The following SUCLG2 variants were observed in gnomAD, a reference collection of about 807,000 sequenced individuals.
SUCLG2 encodes succinate-CoA ligase GDP-forming subunit beta.
A neutral mutation model predicts 47.9 loss-of-function variants in SUCLG2; 42 were observed. The observed-to-expected ratio is 0.88, with a 90% CI of 0.69 to 1.14. The LOEUF (loss-of-function observed/expected upper bound fraction) is 1.14, where lower values mean the gene tolerates loss of function less well. SUCLG2 is among the 50% of genes most tolerant of loss of function. The pLI is 0.00. For synonymous variants in SUCLG2, 195 were observed against 197.3 expected, an observed-to-expected ratio of 0.99 and a Z score of 0.10; for missense variants, 571 against 525.9, an observed-to-expected ratio of 1.09 and a Z score of -0.84.
At chr3:67,415,728 G>A (rs778038643) in intron 9 of SUCLG2, among the ~76,000 whole-genome samples, 8 of 152,176 alleles carry the variant, frequency 5.3e-5, no homozygotes, top group Non-Finnish European at 1.0e-4. Flanking sequence ...CTCCCTTGAA[G>A]ATCTCCTTCC....
At chr3:67,455,469 T>C (rs1704160373) in intron 9 of SUCLG2, among the ~76,000 whole-genome samples, 1 of 152,126 alleles carries the variant, frequency 6.6e-6, no homozygotes, top group Admixed American at 6.5e-5. Flanking sequence ...CTTTCCAGAA[T>C]CAGACTGGAG....
chr3:67,537,358 T>C (rs1706572458), intron 2 of SUCLG2, among the ~76,000 whole-genome samples: 1 of 152,176 alleles, frequency 6.6e-6, no homozygotes. Flanking sequence ...CTGAGAATGA[T>C]TGTTTCCAGC....
chr3:67,610,143 G>T (rs1700501578), intron 1 of SUCLG2, among the ~76,000 whole-genome samples: 1 of 152,056 alleles, frequency 6.6e-6, no homozygotes, highest in Admixed American at 6.5e-5. Flanking sequence ...CAGGAAATTT[G>T]TTTAAACACT....
At chr3:67,488,593 T>C (rs1452693620) in intron 9 of SUCLG2, among the ~76,000 whole-genome samples, 1 of 152,212 alleles carries the variant, frequency 6.6e-6, no homozygotes, top group Non-Finnish European at 1.5e-5. Context: ...AAAATACTAA[T>C]AGTACAACTT....
At chr3:67,469,168 G>A (rs1485445678) in intron 9 of SUCLG2, among the ~76,000 whole-genome samples, 1 of 152,178 alleles carries the variant, frequency 6.6e-6, no homozygotes, top group Non-Finnish European at 1.5e-5. Flanking sequence ...AGGTAGGCTG[G>A]CGAGTTGGGC....
chr3:67,608,235 G>A (rs1559593935), intron 2 of SUCLG2, among the ~76,000 whole-genome samples: 1 of 152,038 alleles, frequency 6.6e-6, no homozygotes, highest in Non-Finnish European at 1.5e-5. Flanking sequence ...GAAGGATGTC[G>A]ACAACTGACT....
chr3:67,361,886 G>A (rs1437862243), intron 10 of SUCLG2, among the ~76,000 whole-genome samples: 3 of 152,146 alleles, frequency 2.0e-5, no homozygotes, highest in Admixed American at 1.3e-4. Context: ...CTGGGATGGT[G>A]AGGGGAACAT....
intron 2 of SUCLG2, among the ~76,000 whole-genome samples, chr3:67,584,392 G>T (rs1449182724): frequency 6.6e-6 from 1 of 152,192 alleles, no homozygotes; most frequent in African/African-American, 2.4e-5. Flanking sequence ...GGAGTAATGG[G>T]ATTAACAGTA....
intron 9 of SUCLG2, among the ~76,000 whole-genome samples, chr3:67,404,103 C>G (rs1431797451): frequency 6.6e-6 from 1 of 152,132 alleles, no homozygotes; most frequent in Non-Finnish European, 1.5e-5. Context: ...CCAGCTGTCT[C>G]GAACTCCTGA....
intron 9 of SUCLG2, among the ~76,000 whole-genome samples, chr3:67,478,737 G>T (rs1432228889): frequency 6.6e-6 from 1 of 152,182 alleles, no homozygotes; most frequent in Non-Finnish European, 1.5e-5. Context: ...GTGGGAGGTT[G>T]CAACTGCTAT....
chr3:67,555,935 T>A (rs149038808), intron 2 of SUCLG2, among the ~76,000 whole-genome samples: 3 of 152,130 alleles, frequency 2.0e-5, no homozygotes, highest in East Asian at 1.9e-4. Flanking sequence ...GTGAACAGAG[T>A]GGGACAGGCC....
At chr3:67,393,895 G>A (rs1425374094) in intron 10 of SUCLG2, among the ~76,000 whole-genome samples, 2 of 152,170 alleles carry the variant, frequency 1.3e-5, no homozygotes. Flanking sequence ...CACCGCCACT[G>A]ATACCCAGGC....
At chr3:67,481,682 A>T (rs1300818276) in intron 9 of SUCLG2, among the ~76,000 whole-genome samples, 2 of 152,196 alleles carry the variant, frequency 1.3e-5, no homozygotes, top group Non-Finnish European at 1.5e-5. Context: ...ATTGCTCTAT[A>T]CTGGGTTTTT....
At chr3:67,632,831 G>A (rs977088903) in intron 1 of SUCLG2, among the ~76,000 whole-genome samples, 2 of 152,176 alleles carry the variant, frequency 1.3e-5, no homozygotes, top group Non-Finnish European at 2.9e-5. Flanking sequence ...TTTGCTGCCA[G>A]GTTATCATGT....
chr3:67,633,402 A>G (rs1245464888), intron 1 of SUCLG2, among the ~76,000 whole-genome samples: 1 of 152,216 alleles, frequency 6.6e-6, no homozygotes, highest in African/African-American at 2.4e-5. Context: ...CAAATACAGA[A>G]AAAGCAAACC....
chr3:67,518,116 C>A, intron 6 of SUCLG2, 131 bp downstream of exon 6: 1 of 763,956 alleles, frequency 1.3e-6, no homozygotes, highest in African/African-American at 1.7e-5. Context: ...TCATAAACAG[C>A]TGGAGGAAAA....
At chr3:67,389,458 T>C (rs937644764) in intron 10 of SUCLG2, among the ~76,000 whole-genome samples, 7 of 152,078 alleles carry the variant, frequency 4.6e-5, no homozygotes, top group Non-Finnish European at 7.4e-5. Context: ...TTTTCAAAGA[T>C]AGCTCAGTGA....
chr3:67,385,103 C>G (rs1481008175), intron 10 of SUCLG2, among the ~76,000 whole-genome samples: 4 of 152,184 alleles, frequency 2.6e-5, no homozygotes, highest in Non-Finnish European at 4.4e-5. Flanking sequence ...ATATGACTTT[C>G]AAGTGGAAAT....
chr3:67,641,574 G>C (rs1701101051), intron 1 of SUCLG2, among the ~76,000 whole-genome samples: 1 of 152,218 alleles, frequency 6.6e-6, no homozygotes, highest in Non-Finnish European at 1.5e-5. Flanking sequence ...CTGGAGGTCT[G>C]TGAGGTCAAA....
Sources: gnomAD v4.1 joint callset for allele counts (sites outside exome capture counted in the v4.1 genomes callset) on GRCh38, gnomAD v4.1.1 for gene constraint, MANE v1.5 for transcripts, NCBI Gene and HGNC (gene_info 2026-07-23, HGNC 2026-07-21) for gene names.